FGFRL1: variants seen among roughly 807,000 people sequenced by gnomAD.
FGFRL1 encodes fibroblast growth factor receptor like 1.
In FGFRL1, 24 loss-of-function variants were observed where a neutral mutation model predicts 36.8. That is an observed-to-expected ratio of 0.65 (90% CI 0.47 to 0.92). The LOEUF is 0.92. Ranked by LOEUF, FGFRL1 falls within the 40% of genes least tolerant of loss-of-function variation. The probability of loss-of-function intolerance (pLI) is 0.00; values close to 1 mark genes in which losing one functional copy is unlikely to be tolerated. For missense variants in FGFRL1, 785 were observed against 753.4 expected (o/e 1.04, Z -0.49); for synonymous variants, 422 against 344.1 (o/e 1.23, Z -2.50).
At chr4:1,021,244 G>T (rs2153026622) in intron 2 of FGFRL1, among the ~76,000 whole-genome samples, 2 of 151,934 alleles carry the variant, frequency 1.3e-5, no homozygotes, top group East Asian at 2.0e-4. Context: ...GTTCCTTTCT[G>T]CCAGGAAAGG....
At chr4:1,024,148 G>C in intron 5 of FGFRL1, 47 bp downstream of exon 5, 1 of 1,337,504 alleles carries the variant, frequency 7.5e-7, no homozygotes, top group Non-Finnish European at 9.7e-7. Context: ...CTGGTGGGCG[G>C]GGGCGCTGGC....
chr4:1,026,566 T>G lies in FGFRL1; in HGVS notation c.*1219T>G, dbSNP rs1044303470. On this transcript the variant is annotated 3_prime_UTR_variant, in exon 7 of 7. Transcript: ENST00000510644. ...GTTGGGGGCACAGCAGCCCCAAGCC[T>G]GAGAGGCTGGAGCCCATGGCTAGTG... 8.9e-6 allele frequency: 2 copies of G among 223,882 alleles called. No homozygotes were observed. Among genetic ancestry groups the G allele is most frequent in the African/African-American group, 4.7e-5 (2 of 42,472 alleles). The allele number at this position is 223,882 out of a possible 1,614,324, so 13.9% of individuals were successfully genotyped here. A position where few individuals can be genotyped will look rare whatever the true frequency, so the allele number is the denominator to read the frequency against.
At position 1,024,480 on chromosome 4, in the gene FGFRL1, C is replaced by T. The variant is rs757035366; in HGVS notation, c.888C>T (p.Ile296=). The change falls in exon 6 of 7, where the codon ATC becomes ATT. Residue 296 remains isoleucine, a synonymous_variant. Transcript: ENST00000510644. ...YGAEGRHNST[I]DVGGQKFVVL... Reference sequence around the variant, plus strand: ...CCGAGGGCCGCCACAACTCCACCATCGATGTGGGCGGCCAGAAGTTTGTGG... The same window carrying T: ...CCGAGGGCCGCCACAACTCCACCATTGATGTGGGCGGCCAGAAGTTTGTGG... 5 of 1,612,420 alleles carry T rather than the reference C, an allele frequency of 3.1e-6. No homozygotes were observed. Among genetic ancestry groups the T allele is most frequent in the Middle Eastern group, 3.3e-4 (2 of 6,084 alleles).
At position 1,023,121 on chromosome 4, in the gene FGFRL1, C is replaced by T. The variant is rs1253912397; in HGVS notation, c.353-520C>T. The stretch of plus-strand genomic sequence containing the variant: ...CAGGGTCTGGGGGTGCGGCCTGAGA[C>T]AGCCTGGTCCTGGGCTCAGTGAAGG... On this transcript the variant is annotated intron_variant, in intron 3 of 6. Coordinates refer to ENST00000510644, the MANE Select transcript of FGFRL1 (RefSeq NM_001004356.3). This position sits in a 1 kb window ranked among gnomAD's most constrained non-coding sequence, Gnocchi z 6.0. 1.3e-5 allele frequency among the ~76,000 whole-genome samples: 2 copies of T among 152,142 alleles called. No individual in the cohort carries two copies. Among genetic ancestry groups the T allele is most frequent in the Non-Finnish European group, 2.9e-5 (2 of 68,002 alleles).
chr4:1,023,410 C>A lies in FGFRL1; in HGVS notation c.353-231C>A, dbSNP rs1267431491. Among the ~76,000 whole-genome samples the A allele has an allele frequency of 6.6e-6, 1 of 152,180 alleles. No homozygotes were observed. Among genetic ancestry groups the A allele is most frequent in the Admixed American group, 6.5e-5 (1 of 15,290 alleles). ...CCCCCGGAGCCAGAATGGGGGCCGG[C>A]CCTCCAGCCCCACCCGTGCCCATCA... On this transcript the variant is annotated intron_variant, in intron 3 of 6. Transcript: ENST00000510644. This position sits in a 1 kb window ranked among gnomAD's most constrained non-coding sequence, Gnocchi z 6.0.
Position 1,017,987 on chromosome 4 carries a change from A to AC in FGFRL1, c.80-4214dup, listed in dbSNP as rs530035957. On this transcript the variant is annotated intron_variant, in intron 2 of 6. Coordinates refer to ENST00000510644, the MANE Select transcript of FGFRL1 (RefSeq NM_001004356.3). ...GAGAGGGGCTTGGGTGTGGGTTTGG[A>AC]CCACGTGGCCAGGACGGGCCCTTCC... 4.1e-3 allele frequency among the ~76,000 whole-genome samples: 624 copies of AC among 152,220 alleles called. 10 individuals carry two copies. The highest frequency in any genetic ancestry group is 0.014 in the African/African-American group (564 of 41,524).
Position 1,024,018 on chromosome 4 carries a change from G to T in FGFRL1, c.635G>T (p.Arg212Leu), listed in dbSNP as rs759093103. The change falls in exon 5 of 7, where the codon CGG becomes CTG. Residue 212 changes from arginine (R) to leucine (L), a missense_variant. Coordinates refer to ENST00000510644, the MANE Select transcript of FGFRL1 (RefSeq NM_001004356.3). ...KKWTLSLKNLRPEDSGKYTCR... is the reference protein window; with the variant it reads ...KKWTLSLKNLLPEDSGKYTCR... ...TGGACACTGAGCCTGAAGAACCTGCGGCCGGAGGACAGCGGCAAATACACC... is the reference window on the plus strand; with the variant it reads ...TGGACACTGAGCCTGAAGAACCTGCTGCCGGAGGACAGCGGCAAATACACC... 6.2e-7 allele frequency: 1 copy of T among 1,607,780 alleles called. No individual in the cohort carries two copies. The highest frequency in any genetic ancestry group is 2.2e-5 in the East Asian group (1 of 44,672).
chr4:1,016,262 G>C (rs1715881345), intron 2 of FGFRL1, among the ~76,000 whole-genome samples: 1 of 152,018 alleles, frequency 6.6e-6, no homozygotes, highest in Non-Finnish European at 1.5e-5. Context: ...GTGGGGAAGG[G>C]CTGCCAAGGT....
At chr4:1,022,147 C>A (rs933014066) in intron 2 of FGFRL1, 56 bp from the exon 3 acceptor site, 13 of 1,382,286 alleles carry the variant, frequency 9.4e-6, no homozygotes, top group African/African-American at 1.5e-5. Flanking sequence ...TGACCGCCCC[C>A]CCGGCTCCGG....
At chr4:1,012,162 G>A (rs1430867974) in intron 1 of FGFRL1, 2 of 230,744 alleles carry the variant, frequency 8.7e-6, no homozygotes, top group Non-Finnish European at 1.7e-5. Context: ...GTCCGCTAAT[G>A]GCGCAGGCGA....
intron 2 of FGFRL1, among the ~76,000 whole-genome samples, chr4:1,017,228 G>C (rs1427479091): frequency 6.6e-6 from 1 of 152,088 alleles, no homozygotes; most frequent in African/African-American, 2.4e-5. Context: ...TGGAAACTTT[G>C]GGCCATGCAG....
Position 1,024,661 on chromosome 4 carries a change from C to A in FGFRL1, c.1069C>A (p.Pro357Thr). 1 of 1,596,942 alleles carries A rather than the reference C, an allele frequency of 6.3e-7. No individual in the cohort carries two copies. Among genetic ancestry groups the A allele is most frequent in the Non-Finnish European group, 8.5e-7 (1 of 1,169,750 alleles). ...CCGCAGCGCCTTCCTCACCGTGCTG[C>A]CAGGTGCGCGGCTGCCACGCCACGC... ...SFRSAFLTVL[P>T]DPKPPGPPVA... The change falls in exon 6 of 7, where the codon CCA (proline) becomes ACA (threonine). Residue 357 changes from proline to threonine, a missense_variant. Pro to Thr is a conservative substitution (Grantham distance 38). Coordinates refer to ENST00000510644, the MANE Select transcript of FGFRL1 (RefSeq NM_001004356.3).
chr4:1,024,153 G>A (rs1357060743), intron 5 of FGFRL1, 52 bp downstream of exon 5: 22 of 1,264,122 alleles, frequency 1.7e-5, no homozygotes, highest in East Asian at 9.2e-5. Context: ...GGGCGGGGGC[G>A]CTGGCGGGCG....
rs146112374 is a variant in FGFRL1 at position 1,024,975 on chromosome 4, C to G, written c.1143C>G (p.Ile381Met). 4.8e-5 allele frequency: 77 copies of G among 1,609,552 alleles called. No individual in the cohort carries two copies. The highest frequency in any genetic ancestry group is 6.4e-5 in the Non-Finnish European group (76 of 1,179,588). Reference protein sequence around the residue: ...SATSLPWPVVIGIPAGAVFIL... With the variant: ...SATSLPWPVVMGIPAGAVFIL... ...CTAGCCTGCCGTGGCCCGTGGTCATCGGCATCCCAGCCGGCGCTGTCTTCA... is the reference window on the plus strand; with the variant it reads ...CTAGCCTGCCGTGGCCCGTGGTCATGGGCATCCCAGCCGGCGCTGTCTTCA... Residue 381 changes from isoleucine (I) to methionine (M), a missense_variant, in exon 7 of 7, where the codon ATC becomes ATG. By Grantham distance (10) the Ile-to-Met change is conservative. Coordinates refer to ENST00000510644, the MANE Select transcript of FGFRL1 (RefSeq NM_001004356.3).
chr4:1,011,006 C>G (rs1715547641), upstream of FGFRL1: 2 of 152,384 alleles, frequency 1.3e-5, no homozygotes, highest in East Asian at 1.9e-4. Flanking sequence ...GGGGAGGACC[C>G]CTGCCTGCAT....
At chr4:1,015,678 T>C (rs1044850668) in intron 2 of FGFRL1, among the ~76,000 whole-genome samples, 1 of 152,180 alleles carries the variant, frequency 6.6e-6, no homozygotes, top group African/African-American at 2.4e-5. Flanking sequence ...GGGGTGAACA[T>C]TGGCTGAGCA....
At chr4:1,016,110 C>T (rs1420805327) in intron 2 of FGFRL1, among the ~76,000 whole-genome samples, 5 of 152,222 alleles carry the variant, frequency 3.3e-5, no homozygotes, top group Admixed American at 6.5e-5. Context: ...TGGTGGTGCC[C>T]GGTGTGCCTG....
In FGFRL1 at chr4:1,026,638, G is replaced by A. The variant is rs1716554298; in HGVS notation, c.*1291G>A. On this transcript the variant is annotated 3_prime_UTR_variant, in exon 7 of 7. Coordinates refer to ENST00000510644, the MANE Select transcript of FGFRL1 (RefSeq NM_001004356.3). ...CCCCTGACACAGAGAAGGGGCCTTG[G>A]TATTTATATTTAAGAAATGAAGATA... The A allele has an allele frequency of 3.4e-6, 1 of 294,900 alleles. No individual in the cohort carries two copies. The highest frequency in any genetic ancestry group is 3.0e-5 in the South Asian group (1 of 33,218). The allele number at this position is 294,900 out of a possible 1,614,324, so 18.3% of individuals were successfully genotyped here.
Position 1,023,705 on chromosome 4 carries a change from C to A in FGFRL1, c.417C>A (p.Pro139=). Residue 139 remains proline, a synonymous_variant, in exon 4 of 7, where the codon CCC becomes CCA. Coordinates refer to ENST00000510644, the MANE Select transcript of FGFRL1 (RefSeq NM_001004356.3). The surrounding 1 kb of genome is among the most constrained non-coding windows in gnomAD (Gnocchi z 6.0). ...GCTCCTCTGGGGGTCAAGAGGACCC[C>A]GCCAGCCAGCAGTGGGGTGAGCAGG... is the stretch of plus-strand genomic sequence containing the variant. ...PDSSSGGQED[P]ASQQWARPRF... is the part of the protein sequence containing the mutation. The A allele has an allele frequency of 6.3e-7, 1 of 1,588,770 alleles. No individual in the cohort carries two copies.
Sources: gnomAD v4.1 joint callset for allele counts (sites outside exome capture counted in the v4.1 genomes callset) on GRCh38, gnomAD v4.1.1 for gene constraint, Gnocchi (gnomAD v3.1) non-coding constraint, MANE v1.5 for transcripts, NCBI Gene and HGNC (gene_info 2026-07-23, HGNC 2026-07-21) for gene names.